GRID2: variants seen among roughly 807,000 people sequenced by gnomAD.
GRID2 encodes glutamate ionotropic receptor delta type subunit 2.
Under a neutral mutation model 114.8 loss-of-function variants are expected in GRID2, and 33 were observed. The observed-to-expected ratio is 0.29, with a 90% CI of 0.22 to 0.38. GRID2 has a LOEUF of 0.38. GRID2 is among the 10% of genes least tolerant of loss of function. The pLI is 1.00. For missense variants in GRID2, 1,184 were observed against 1,257.7 expected (o/e 0.94, Z 0.89); for synonymous variants, 505 against 449.9 (o/e 1.12, Z -1.55).
intron 2 of GRID2, among the ~76,000 whole-genome samples, chr4:92,842,809 G>A (rs146399767): frequency 2.6e-5 from 4 of 152,204 alleles, no homozygotes; most frequent in Admixed American, 1.3e-4. Context: ...CAGAAAAACA[G>A]ATCATTTAGA....
chr4:92,687,260 T>G (rs2149289607), intron 2 of GRID2, among the ~76,000 whole-genome samples: 1 of 152,176 alleles, frequency 6.6e-6, no homozygotes, highest in African/African-American at 2.4e-5. Flanking sequence ...ACCTGCTCTT[T>G]TTGAAGCACA....
At chr4:92,942,919 G>A (rs1751280825) in intron 2 of GRID2, among the ~76,000 whole-genome samples, 1 of 152,162 alleles carries the variant, frequency 6.6e-6, no homozygotes, top group Non-Finnish European at 1.5e-5. Context: ...CTGGCTTGTA[G>A]AGTTTCTGCC....
intron 1 of GRID2, among the ~76,000 whole-genome samples, chr4:92,488,924 C>T (rs75712407): frequency 6.6e-5 from 10 of 152,232 alleles, no homozygotes; most frequent in African/African-American, 2.2e-4. Flanking sequence ...TCTGAAACTG[C>T]GACTACAGTA....
chr4:92,390,685 T>C (rs1169223199), intron 1 of GRID2, among the ~76,000 whole-genome samples: 1 of 152,162 alleles, frequency 6.6e-6, no homozygotes, highest in Non-Finnish European at 1.5e-5. Flanking sequence ...TCCACTTTGC[T>C]CCAGAGAGAA....
intron 1 of GRID2, among the ~76,000 whole-genome samples, chr4:92,545,421 A>G (rs1463333169): frequency 1.3e-5 from 2 of 152,170 alleles, no homozygotes; most frequent in Non-Finnish European, 2.9e-5. Context: ...GAGTAGAATG[A>G]AATCAGCATA....
chr4:93,490,272 T>G (rs1403869180), intron 11 of GRID2, among the ~76,000 whole-genome samples: 1 of 151,920 alleles, frequency 6.6e-6, no homozygotes, highest in African/African-American at 2.4e-5. Context: ...ATCTGAAAAT[T>G]TGTATTAAAT....
intron 1 of GRID2, among the ~76,000 whole-genome samples, chr4:92,443,085 G>C (rs1441664605): frequency 6.6e-6 from 1 of 152,244 alleles, no homozygotes; most frequent in African/African-American, 2.4e-5. Context: ...AGCGAGGCTT[G>C]GGGTTGGTAC....
chr4:92,779,800 T>G (rs542732306), intron 2 of GRID2, among the ~76,000 whole-genome samples: 1 of 152,308 alleles, frequency 6.6e-6, no homozygotes, highest in Admixed American at 6.5e-5. Context: ...GCTTTGTTAC[T>G]ATGAAGAAAA....
intron 2 of GRID2, among the ~76,000 whole-genome samples, chr4:93,007,872 C>T (rs1224938036): frequency 6.6e-6 from 1 of 151,764 alleles, no homozygotes; most frequent in Non-Finnish European, 1.5e-5. Context: ...GAAACCCCAT[C>T]TCTACTAAAA....
At position 92,971,641 on chromosome 4, in the gene GRID2, C is replaced by T. The variant is rs193275507; in HGVS notation, c.245-113354C>T. 4.6e-3 allele frequency among the ~76,000 whole-genome samples: 699 copies of T among 151,914 alleles called. 3 individuals are homozygous for T. Among genetic ancestry groups the T allele is most frequent in the Non-Finnish European group, 6.7e-3 (456 of 67,876 alleles). On this transcript the variant is annotated intron_variant, in intron 2 of 15. Transcript: ENST00000282020. ...TGCTACAGAACACTTGAATTTATTC[C>T]TTCCATTTAGCTGTAAGTTTGTATT...
At chr4:92,831,493 GT>G (rs34219244) in intron 2 of GRID2, among the ~76,000 whole-genome samples, 104 of 134,234 alleles carry the variant, frequency 7.7e-4, no homozygotes, top group Admixed American at 1.1e-3. Context: ...TGCCAATTTC[GT>G]TTTTTTTTTT....
chr4:92,306,981 A>G (rs1725442170), intron 1 of GRID2, among the ~76,000 whole-genome samples: 1 of 152,184 alleles, frequency 6.6e-6, no homozygotes, highest in South Asian at 2.1e-4. Context: ...AAATTGTTTC[A>G]AAAACTTTAT....
intron 2 of GRID2, among the ~76,000 whole-genome samples, chr4:92,751,204 T>G: frequency 6.6e-6 from 1 of 152,060 alleles, no homozygotes; most frequent in East Asian, 1.9e-4. Flanking sequence ...TTAAAATAAG[T>G]TAGGTGGTAA....
At chr4:93,138,747 C>T (rs1168600209) in intron 4 of GRID2, among the ~76,000 whole-genome samples, 1 of 152,160 alleles carries the variant, frequency 6.6e-6, no homozygotes, top group African/African-American at 2.4e-5. Flanking sequence ...TCCCAAGTTT[C>T]TTTTGTGTGG....
At chr4:93,635,071 A>G (rs1578450287) in intron 14 of GRID2, among the ~76,000 whole-genome samples, 1 of 152,114 alleles carries the variant, frequency 6.6e-6, no homozygotes, top group Non-Finnish European at 1.5e-5. Flanking sequence ...TCTAAGAACC[A>G]TACAACCTAC....
At chr4:92,499,277 T>A (rs2149121438) in intron 1 of GRID2, among the ~76,000 whole-genome samples, 1 of 152,236 alleles carries the variant, frequency 6.6e-6, no homozygotes, top group African/African-American at 2.4e-5. Context: ...AGAAAGTATA[T>A]CCTGCCCTAC....
chr4:93,009,312 A>G (rs1253771301), intron 2 of GRID2, among the ~76,000 whole-genome samples: 1 of 152,098 alleles, frequency 6.6e-6, no homozygotes, highest in East Asian at 1.9e-4. Flanking sequence ...CACTCTGAAC[A>G]TAAGCTGGAG....
intron 2 of GRID2, among the ~76,000 whole-genome samples, chr4:93,027,292 C>T (rs534637530): frequency 2.4e-4 from 36 of 152,114 alleles, no homozygotes; most frequent in Admixed American, 7.9e-4. Context: ...TGATGCATAG[C>T]AGTTGGACAT....
At chr4:93,763,287 A>C (rs1314580357) in intron 14 of GRID2, among the ~76,000 whole-genome samples, 2 of 152,172 alleles carry the variant, frequency 1.3e-5, no homozygotes, top group African/African-American at 4.8e-5. Flanking sequence ...GATTGAGCTA[A>C]AGCTAGAGAC....
Sources: gnomAD v4.1 joint callset for allele counts (sites outside exome capture counted in the v4.1 genomes callset) on GRCh38, gnomAD v4.1.1 for gene constraint, MANE v1.5 for transcripts, NCBI Gene and HGNC (gene_info 2026-07-23, HGNC 2026-07-21) for gene names.